Variants in XRCC4 observed in about 807,000 individuals in gnomAD.
XRCC4 encodes DNA repair protein XRCC4.
In XRCC4, 28 loss-of-function variants were observed where a neutral mutation model predicts 39.1. The observed-to-expected ratio is 0.72, with a 90% confidence interval of 0.53 to 0.98. The LOEUF (loss-of-function observed/expected upper bound fraction) is 0.98. XRCC4 is among the 50% of genes least tolerant of loss of function. The probability of loss-of-function intolerance (pLI) is 0.00; values close to 1 mark genes in which losing one functional copy is unlikely to be tolerated. For missense variants in XRCC4, 350 were observed against 376.4 expected (o/e 0.93, Z 0.58); for synonymous variants, 123 against 126.4 (o/e 0.97, Z 0.18).
chr5:83,323,865 G>A (rs1756159032), intron 7 of XRCC4, among the ~76,000 whole-genome samples: 1 of 152,088 alleles, frequency 6.6e-6, no homozygotes, highest in African/African-American at 2.4e-5. Context: ...AAGATTTACT[G>A]TGGTATAGAT....
intron 7 of XRCC4, among the ~76,000 whole-genome samples, chr5:83,311,788 C>T (rs1755716673): frequency 6.6e-6 from 1 of 151,888 alleles, no homozygotes; most frequent in South Asian, 2.1e-4. Flanking sequence ...TAAGTAGGCC[C>T]TTTATTCCAG....
Position 83,250,964 on chromosome 5 carries a change from G to GTAAGGCTAAATAATT in XRCC4, c.746-7565_746-7564insAAGGCTAAATAATTT, listed in dbSNP as rs1753285889. On this transcript the variant is annotated intron_variant, in intron 6 of 7. Transcript: ENST00000396027. ...TAAATTAGTTCCTTTTTAATTGCTTGTGTGGCTTATGGCTTCCTTACAAAT... is the reference window on the plus strand; with the variant it reads ...TAAATTAGTTCCTTTTTAATTGCTTGTAAGGCTAAATAATTTGTGGCTTATGGCTTCCTTACAAAT... Among the ~76,000 whole-genome samples, 3 of 152,274 alleles carry GTAAGGCTAAATAATT rather than the reference G, an allele frequency of 2.0e-5. No individual in the cohort carries two copies. In the South Asian group the frequency reaches 6.2e-4, roughly 32 times the overall value.
Position 83,135,850 on chromosome 5 carries a change from T to A in XRCC4, c.315+24647T>A, listed in dbSNP as rs567005439. On this transcript the variant is annotated intron_variant, in intron 3 of 7. Transcript: ENST00000396027. ...TTTAATGACCTTGTGTATGAATATT[T>A]CTTAATCTTTGTTATTTTTGGTTTT... Among the ~76,000 whole-genome samples, 4 of 152,326 alleles carry A rather than the reference T, an allele frequency of 2.6e-5. No homozygotes were observed. The South Asian group carries it at 8.3e-4, about 32-fold the overall frequency.
intron 3 of XRCC4, among the ~76,000 whole-genome samples, chr5:83,182,715 G>T (rs1016709541): frequency 2.0e-4 from 30 of 152,124 alleles, no homozygotes; most frequent in African/African-American, 7.2e-4. Flanking sequence ...ATTCGGTACT[G>T]AGGGCCAGGT....
intron 1 of XRCC4, among the ~76,000 whole-genome samples, chr5:83,102,572 A>G (rs532197559): frequency 6.6e-6 from 1 of 152,276 alleles, no homozygotes; most frequent in East Asian, 1.9e-4. Context: ...AACTTGTTCC[A>G]GAATCAGAAC....
At chr5:83,217,122 G>A (rs1384628334) in intron 6 of XRCC4, among the ~76,000 whole-genome samples, 12 of 152,044 alleles carry the variant, frequency 7.9e-5, no homozygotes, top group African/African-American at 2.9e-4. Flanking sequence ...GGGAGGACAA[G>A]GCGGGCAGAT....
intron 7 of XRCC4, among the ~76,000 whole-genome samples, chr5:83,352,874 C>T (rs1422661190): frequency 6.6e-6 from 1 of 152,140 alleles, no homozygotes; most frequent in Admixed American, 6.5e-5. Flanking sequence ...TATTTTATTT[C>T]TTGACCTTGA....
intron 5 of XRCC4, 147 bp from the exon 6 acceptor site, chr5:83,204,668 C>A: frequency 2.0e-6 from 1 of 492,998 alleles, no homozygotes; most frequent in Non-Finnish European, 3.5e-6. Context: ...TTTTAAGATG[C>A]TTTCATCTAA....
At position 83,258,197 on chromosome 5, in the gene XRCC4, C is replaced by A. The variant is rs531551575; in HGVS notation, c.746-333C>A. Among the ~76,000 whole-genome samples the A allele has an allele frequency of 8.6e-4, 131 of 151,796 alleles. No individual in the cohort carries two copies. In the Middle Eastern group the frequency reaches 0.01, roughly 12 times the overall value. ...GAACTTAAAAGATAATAAAAAAAAACTATGCAGTTTTGTTTTTGTTGCTAT... is the reference window on the plus strand; with the variant it reads ...GAACTTAAAAGATAATAAAAAAAAAATATGCAGTTTTGTTTTTGTTGCTAT... On this transcript the variant is annotated intron_variant, in intron 6 of 7. Transcript: ENST00000396027.
chr5:83,102,639 T>A (rs1745995373), intron 1 of XRCC4, among the ~76,000 whole-genome samples: 1 of 152,124 alleles, frequency 6.6e-6, no homozygotes, highest in African/African-American at 2.4e-5. Context: ...CTTGGTTAAC[T>A]ACCATTTGAT....
chr5:83,277,682 A>T (rs73769435), intron 7 of XRCC4, among the ~76,000 whole-genome samples: 3,987 of 152,290 alleles, frequency 0.026, 146 homozygotes, highest in African/African-American at 0.091. Flanking sequence ...TGAAGTGAAT[A>T]TTGACACCTT....
chr5:83,335,162 G>T (rs1420082990), intron 7 of XRCC4, among the ~76,000 whole-genome samples: 1 of 151,822 alleles, frequency 6.6e-6, no homozygotes, highest in Non-Finnish European at 1.5e-5. Context: ...CTAAGTTTTA[G>T]ATATTTGCAT....
intron 7 of XRCC4, among the ~76,000 whole-genome samples, chr5:83,295,224 TAACTGAACATCACTACCAGTATGG>T (rs1010776417): frequency 2.6e-5 from 4 of 152,038 alleles, no homozygotes; most frequent in African/African-American, 9.7e-5. Context: ...GACCACTTTT[TAACTGAACATCACTACCAGTATGG>T]AACATGTTTT....
intron 3 of XRCC4, among the ~76,000 whole-genome samples, chr5:83,189,147 A>G (rs905883396): frequency 1.1e-4 from 17 of 152,218 alleles, no homozygotes; most frequent in Non-Finnish European, 2.4e-4. Flanking sequence ...TATATACCCT[A>G]AATGTAACTA....
intron 3 of XRCC4, among the ~76,000 whole-genome samples, chr5:83,116,616 T>G (rs1221912449): frequency 0.025 from 1,647 of 66,466 alleles, 77 homozygotes; most frequent in African/African-American, 0.063. Context: ...CTCTTTTTTT[T>G]TTTTTTTTTT....
At chr5:83,281,168 A>C (rs1754522765) in intron 7 of XRCC4, among the ~76,000 whole-genome samples, 1 of 152,150 alleles carries the variant, frequency 6.6e-6, no homozygotes. Flanking sequence ...AATTTACTAA[A>C]CCATATGACT....
intron 7 of XRCC4, among the ~76,000 whole-genome samples, chr5:83,286,137 CTT>C (rs985123214): frequency 1.3e-5 from 2 of 152,052 alleles, no homozygotes; most frequent in Admixed American, 6.6e-5. Context: ...AAATGTGACT[CTT>C]GAGACCAATG....
At chr5:83,168,160 T>A (rs1321316718) in intron 3 of XRCC4, among the ~76,000 whole-genome samples, 2 of 152,104 alleles carry the variant, frequency 1.3e-5, no homozygotes, top group Non-Finnish European at 2.9e-5. Flanking sequence ...ATAAGAAACA[T>A]CTAAAACCTA....
At chr5:83,170,959 G>A (rs1183532497) in intron 3 of XRCC4, among the ~76,000 whole-genome samples, 1 of 152,058 alleles carries the variant, frequency 6.6e-6, no homozygotes, top group Non-Finnish European at 1.5e-5. Flanking sequence ...TATCTTAAAT[G>A]TGTCTGTATT....
Sources: allele counts gnomAD v4.1 joint callset (sites outside exome capture counted in the v4.1 genomes callset), GRCh38; gene constraint gnomAD v4.1.1; transcripts MANE v1.5; gene names NCBI Gene and HGNC (gene_info 2026-07-23, HGNC 2026-07-21).